STMND1: variants seen among roughly 807,000 people sequenced by gnomAD.
The protein encoded by STMND1 is stathmin domain containing 1, also known as stathmin domain-containing protein 1.
A neutral mutation model predicts 23.0 loss-of-function variants in STMND1; 17 were observed. That is an observed-to-expected ratio of 0.74 (90% CI 0.51 to 1.11). The LOEUF is 1.11. Among genes scored for constraint, STMND1 ranks in the 50% least tolerant of loss-of-function variants. STMND1 has a pLI of 0.00. For missense variants in STMND1, 305 were observed against 329.1 expected, an observed-to-expected ratio of 0.93 and a Z score of 0.57; for synonymous variants, 114 against 119.9, an observed-to-expected ratio of 0.95 and a Z score of 0.32.
At position 17,110,849 on chromosome 6, in the gene STMND1, C is replaced by T. The variant is rs1202994596; in HGVS notation, c.82-4113C>T. The T allele has an allele frequency of 2.2e-5, 10 of 455,864 alleles. No homozygotes were observed. In the East Asian group the frequency reaches 6.9e-4, roughly 32 times the overall value. The allele number at this position is 455,864 out of a possible 1,614,324, so 28.2% of individuals were successfully genotyped here. A position where few individuals can be genotyped will look rare whatever the true frequency, so the allele number is the denominator to read the frequency against. On this transcript the variant is annotated intron_variant, in intron 1 of 4. Coordinates refer to ENST00000536551, the MANE Select transcript of STMND1 (RefSeq NM_001190766.2). ...ATGCACGTGTTCTTTGTGTTCTTAT[C>T]TCTTCTGGAGACACTGAGGAGACTT...
intron 3 of STMND1, among the ~76,000 whole-genome samples, chr6:17,125,339 T>C (rs1256513023): frequency 2.6e-5 from 4 of 152,224 alleles, no homozygotes; most frequent in African/African-American, 9.7e-5. Context: ...TGGATAGGTA[T>C]AGACCTCTTT....
intron 1 of STMND1, among the ~76,000 whole-genome samples, chr6:17,112,397 G>A (rs577892307): frequency 2.0e-5 from 3 of 152,088 alleles, no homozygotes; most frequent in African/African-American, 7.2e-5. Flanking sequence ...CCACTTTTGG[G>A]GTATTATAAA....
intron 1 of STMND1, among the ~76,000 whole-genome samples, chr6:17,109,976 T>C (rs1319579967): frequency 1.3e-5 from 2 of 152,184 alleles, no homozygotes; most frequent in African/African-American, 4.8e-5. Flanking sequence ...CTTTTTCACT[T>C]CAGTGCCTTC....
rs901378430 is a variant in STMND1 at position 17,104,222 on chromosome 6, G to T, written c.81+1884G>T. On this transcript the variant is annotated intron_variant, in intron 1 of 4. Transcript: ENST00000536551. ...ACTCATGATCACTTTGGACTAATAC[G>T]TAGAAATACTTTTTTCTCCCATTTT... 2.6e-5 allele frequency among the ~76,000 whole-genome samples: 4 copies of T among 152,072 alleles called. No individual in the cohort carries two copies. The South Asian group carries it at 8.3e-4, about 32-fold the overall frequency.
intron 3 of STMND1, chr6:17,128,889 T>A (rs993080398): frequency 2.8e-6 from 1 of 362,020 alleles, no homozygotes; most frequent in East Asian, 6.2e-5. Flanking sequence ...ATTTTTTGTA[T>A]TTTTGTAGAG....
chr6:17,115,898 C>T (rs953031839), intron 2 of STMND1, among the ~76,000 whole-genome samples: 4 of 152,190 alleles, frequency 2.6e-5, no homozygotes, highest in Admixed American at 6.5e-5. Context: ...ACTTTCCTGG[C>T]ACACTCAGGT....
chr6:17,113,678 G>C (rs1761123026), intron 1 of STMND1, among the ~76,000 whole-genome samples: 1 of 148,438 alleles, frequency 6.7e-6, no homozygotes, highest in African/African-American at 2.5e-5. Context: ...ACCTTGCCCA[G>C]GCTGGTCTCG....
chr6:17,130,836 G>A lies in STMND1; in HGVS notation c.786G>A (p.Val262=). 1 of 1,535,560 alleles carries A rather than the reference G, an allele frequency of 6.5e-7. No individual in the cohort carries two copies. The highest frequency in any genetic ancestry group is 1.2e-5 in the South Asian group (1 of 83,998). ...AAAGTGATGAAAGTTTTGGGGTCGT[G>A]GAGTCAGACATGTCCTACAACCAAG... ...RNESDESFGV[V]ESDMSYNQAD... Residue 262 remains valine (V), a synonymous_variant, in exon 5 of 5, where the codon GTG becomes GTA. Coordinates refer to ENST00000536551, the MANE Select transcript of STMND1 (RefSeq NM_001190766.2).
At position 17,102,343 on chromosome 6, in the gene STMND1, TAAACAAAC is replaced by T. The variant is rs35221460; in HGVS notation, c.81+27_81+34del. 9,277 of 1,520,882 alleles carry T rather than the reference TAAACAAAC, an allele frequency of 6.1e-3. 45 individuals are homozygous for T. Among genetic ancestry groups the T allele is most frequent in the African/African-American group, 0.011 (769 of 72,486 alleles). 94.2% of individuals were successfully genotyped at this position (1,520,882 alleles called of 1,614,324 possible). A position where few individuals can be genotyped will look rare whatever the true frequency, so the allele number is the denominator to read the frequency against. On this transcript the variant is annotated splice_donor_region_variant and intron_variant, in intron 1 of 4. Transcript: ENST00000536551. The stretch of plus-strand genomic sequence containing the variant: ...GGCTGGAAAGAGGAATTCAAGGTAA[TAAACAAAC>T]AAACAAACAAACAAACAAACAGACA...
At chr6:17,129,545 A>T (rs1489516327) in intron 4 of STMND1, among the ~76,000 whole-genome samples, 1 of 147,768 alleles carries the variant, frequency 6.8e-6, no homozygotes, top group Non-Finnish European at 1.5e-5. Context: ...CTGATTTAAA[A>T]AAAAAAAAAA....
chr6:17,123,764 C>G (rs1481834850), intron 3 of STMND1, among the ~76,000 whole-genome samples: 1 of 152,048 alleles, frequency 6.6e-6, no homozygotes, highest in Admixed American at 6.6e-5. Flanking sequence ...TGAAAATATA[C>G]CATTTCAGGA....
At position 17,119,530 on chromosome 6, in the gene STMND1, C is replaced by A. The variant is rs538130976; in HGVS notation, c.260-1077C>A. ...ACCAGCCTGTCCAACATGGTGAAATCCCATCTCTACTAAAAATATAAAAGT... is the reference window on the plus strand; with the variant it reads ...ACCAGCCTGTCCAACATGGTGAAATACCATCTCTACTAAAAATATAAAAGT... On this transcript the variant is annotated intron_variant, in intron 2 of 4. Transcript: ENST00000536551. 2.0e-5 allele frequency among the ~76,000 whole-genome samples: 3 copies of A among 152,154 alleles called. No homozygotes were observed. In the East Asian group the frequency reaches 5.8e-4, roughly 29 times the overall value.
chr6:17,102,484 C>A, intron 1 of STMND1, 146 bp downstream of exon 1: 1 of 814,880 alleles, frequency 1.2e-6, no homozygotes, highest in Non-Finnish European at 1.9e-6. Flanking sequence ...CAACTTTATT[C>A]TGCCGGTGTT....
At chr6:17,104,992 T>C (rs1761001355) in intron 1 of STMND1, among the ~76,000 whole-genome samples, 1 of 152,212 alleles carries the variant, frequency 6.6e-6, no homozygotes, top group African/African-American at 2.4e-5. Flanking sequence ...AAAACTGTAC[T>C]GAACATGTAT....
chr6:17,123,456 G>A (rs1470102670), intron 3 of STMND1, among the ~76,000 whole-genome samples: 1 of 151,916 alleles, frequency 6.6e-6, no homozygotes, highest in Non-Finnish European at 1.5e-5. Flanking sequence ...TTGTTTCATC[G>A]CCTAATCCAG....
chr6:17,114,265 CTTTTT>C (rs529561200), intron 1 of STMND1, among the ~76,000 whole-genome samples: 2 of 140,244 alleles, frequency 1.4e-5, no homozygotes, highest in Non-Finnish European at 3.1e-5. Flanking sequence ...ATTAGATTCT[CTTTTT>C]TTTTTTTTTT....
chr6:17,111,584 G>C (rs907316013), intron 1 of STMND1, among the ~76,000 whole-genome samples: 2 of 152,240 alleles, frequency 1.3e-5, no homozygotes, highest in Admixed American at 6.5e-5. Flanking sequence ...ATAGAGCGAG[G>C]TAGACCTATG....
intron 1 of STMND1, among the ~76,000 whole-genome samples, chr6:17,109,407 C>T (rs961095654): frequency 2.0e-5 from 3 of 152,172 alleles, no homozygotes; most frequent in Admixed American, 2.0e-4. Context: ...AAAACCTGAT[C>T]GTGACAGACA....
intron 3 of STMND1, among the ~76,000 whole-genome samples, chr6:17,127,058 C>T (rs542098237): frequency 2.6e-5 from 4 of 152,348 alleles, no homozygotes; most frequent in African/African-American, 9.6e-5. Flanking sequence ...CGCCCCTTTC[C>T]GCTTTGTCCT....
Sources: allele counts gnomAD v4.1 joint callset (sites outside exome capture counted in the v4.1 genomes callset), GRCh38; gene constraint gnomAD v4.1.1; transcripts MANE v1.5; gene names NCBI Gene and HGNC (gene_info 2026-07-23, HGNC 2026-07-21).